Variants in FHIT observed in about 807,000 individuals in gnomAD.
FHIT encodes the protein fragile histidine triad diadenosine triphosphatase.
A neutral mutation model predicts 17.9 loss-of-function variants in FHIT; 19 were observed. The observed-to-expected ratio is 1.06, with a 90% CI of 0.74 to 1.56. The LOEUF is 1.56. FHIT is among the 40% of genes most tolerant of loss of function. The pLI, the probability that FHIT is intolerant of heterozygous loss-of-function variation, is 0.00. For synonymous variants in FHIT, 81 were observed against 69.7 expected (o/e 1.16, Z -0.81); for missense variants, 248 against 189.2 (o/e 1.31, Z -1.82).
intron 7 of FHIT, among the ~76,000 whole-genome samples, chr3:59,943,630 A>C (rs1310360155): frequency 2.0e-5 from 3 of 152,204 alleles, no homozygotes; most frequent in Non-Finnish European, 2.9e-5. Flanking sequence ...AGGCCCTGGC[A>C]TGAAGACTTT....
intron 5 of FHIT, among the ~76,000 whole-genome samples, chr3:60,123,116 G>A: frequency 6.6e-6 from 1 of 152,130 alleles, no homozygotes; most frequent in East Asian, 1.9e-4. Flanking sequence ...GTAGGCTTAA[G>A]CAAGCACGGA....
At chr3:59,907,072 C>A (rs569512629) in intron 8 of FHIT, among the ~76,000 whole-genome samples, 1 of 152,184 alleles carries the variant, frequency 6.6e-6, no homozygotes, top group Admixed American at 6.5e-5. Context: ...TGATGAATAC[C>A]TCTCAGTTTG....
chr3:60,852,025 G>T (rs1362252162), intron 3 of FHIT, among the ~76,000 whole-genome samples: 6 of 152,016 alleles, frequency 3.9e-5, no homozygotes, highest in Non-Finnish European at 7.4e-5. Context: ...TGGCTGTGAG[G>T]GTGCTTTGGA....
chr3:60,092,411 A>C (rs1462207833), intron 5 of FHIT, among the ~76,000 whole-genome samples: 2 of 152,220 alleles, frequency 1.3e-5, no homozygotes, highest in Non-Finnish European at 2.9e-5. Flanking sequence ...TGGTAGAAGT[A>C]CGAAGCAACA....
At chr3:60,778,165 A>C (rs1486085770) in intron 4 of FHIT, among the ~76,000 whole-genome samples, 1 of 152,204 alleles carries the variant, frequency 6.6e-6, no homozygotes, top group African/African-American at 2.4e-5. Flanking sequence ...TAAAATTCTA[A>C]TGTCTGAGTA....
At chr3:60,565,095 T>C (rs992598325) in intron 4 of FHIT, among the ~76,000 whole-genome samples, 1 of 152,186 alleles carries the variant, frequency 6.6e-6, no homozygotes, top group African/African-American at 2.4e-5. Context: ...CCCATTTTTA[T>C]TGTTCACATT....
At chr3:59,962,475 G>T (rs565285863) in intron 7 of FHIT, among the ~76,000 whole-genome samples, 1 of 152,140 alleles carries the variant, frequency 6.6e-6, no homozygotes, top group Admixed American at 6.5e-5. Context: ...CTGAAAAGCA[G>T]AATGGCCTAA....
At chr3:59,805,584 C>T (rs1036172526) in intron 8 of FHIT, among the ~76,000 whole-genome samples, 1 of 152,160 alleles carries the variant, frequency 6.6e-6, no homozygotes, top group Non-Finnish European at 1.5e-5. Flanking sequence ...TAGACTACAT[C>T]CTTTTTGACC....
intron 2 of FHIT, among the ~76,000 whole-genome samples, chr3:61,048,581 G>T (rs1315732872): frequency 1.3e-5 from 2 of 152,238 alleles, no homozygotes; most frequent in South Asian, 4.1e-4. Flanking sequence ...AATTCCTCAA[G>T]GATCTAGAAC....
chr3:60,744,052 G>A (rs1175827858), intron 4 of FHIT, among the ~76,000 whole-genome samples: 4 of 151,868 alleles, frequency 2.6e-5, no homozygotes, highest in Non-Finnish European at 2.9e-5. Context: ...CAAGGAAGGG[G>A]GGCTATTTGT....
At chr3:60,282,255 C>T (rs1031930187) in intron 5 of FHIT, among the ~76,000 whole-genome samples, 3 of 152,072 alleles carry the variant, frequency 2.0e-5, no homozygotes, top group East Asian at 1.9e-4. Context: ...TTTCACAACA[C>T]GAGAATGTAT....
At chr3:60,298,437 C>A (rs989345113) in intron 5 of FHIT, among the ~76,000 whole-genome samples, 4 of 152,040 alleles carry the variant, frequency 2.6e-5, no homozygotes, top group Non-Finnish European at 5.9e-5. Context: ...AATTGTGCAC[C>A]CGGAACCAGG....
intron 4 of FHIT, among the ~76,000 whole-genome samples, chr3:60,731,314 G>C (rs2042024898): frequency 6.6e-6 from 1 of 152,170 alleles, no homozygotes; most frequent in Admixed American, 6.5e-5. Flanking sequence ...AAGGCAGAAG[G>C]AGACACCAAA....
chr3:60,590,206 T>C (rs2038039413), intron 4 of FHIT, among the ~76,000 whole-genome samples: 2 of 152,106 alleles, frequency 1.3e-5, no homozygotes, highest in Non-Finnish European at 1.5e-5. Context: ...GGAGGAACTC[T>C]GTGGAACGCT....
intron 5 of FHIT, among the ~76,000 whole-genome samples, chr3:60,196,222 G>T (rs936704330): frequency 6.6e-6 from 1 of 152,064 alleles, no homozygotes; most frequent in African/African-American, 2.4e-5. Context: ...CAAAAAGTAA[G>T]CAGGGCTGTG....
intron 7 of FHIT, among the ~76,000 whole-genome samples, chr3:59,984,333 T>A (rs1270958984): frequency 2.6e-5 from 4 of 151,756 alleles, no homozygotes; most frequent in Non-Finnish European, 5.9e-5. Flanking sequence ...AAAAAAGAAA[T>A]CTACTACAAG....
intron 8 of FHIT, among the ~76,000 whole-genome samples, chr3:59,814,314 G>T (rs1403301322): frequency 6.6e-6 from 1 of 152,218 alleles, no homozygotes; most frequent in Non-Finnish European, 1.5e-5. Flanking sequence ...ACGGCCAACA[G>T]TTTGGTGTTG....
chr3:59,826,167 G>C (rs1298257326), intron 8 of FHIT, among the ~76,000 whole-genome samples: 1 of 152,070 alleles, frequency 6.6e-6, no homozygotes, highest in Non-Finnish European at 1.5e-5. Flanking sequence ...ACCCAGGCCG[G>C]AGTGCAGTGG....
In FHIT at chr3:60,641,090, G is replaced by T. The variant is rs185150357; in HGVS notation, c.-17-104111C>A. Among the ~76,000 whole-genome samples, 4 of 152,266 alleles carry T rather than the reference G, an allele frequency of 2.6e-5. No homozygotes were observed. In the East Asian group the frequency reaches 5.8e-4, roughly 22 times the overall value. ...AGCTACTTGGGAGGCTGAGGCAGGA[G>T]AATTGCTTGAAACTGGGAGGTGGAG... On this transcript the variant is annotated intron_variant, in intron 4 of 9. Transcript: ENST00000492590.
Sources: gnomAD v4.1 joint callset for allele counts (sites outside exome capture counted in the v4.1 genomes callset) on GRCh38, gnomAD v4.1.1 for gene constraint, MANE v1.5 for transcripts, NCBI Gene and HGNC (gene_info 2026-07-23, HGNC 2026-07-21) for gene names.